ZFYVE27: variants seen among roughly 807,000 people sequenced by gnomAD.
ZFYVE27 encodes zinc finger FYVE-type containing 27.
ZFYVE27 carries 36 observed loss-of-function variants against 52.8 expected under a neutral mutation model. That is an observed-to-expected ratio of 0.68 (90% CI 0.52 to 0.90). ZFYVE27 has a LOEUF of 0.90. ZFYVE27 is among the 40% of genes least tolerant of loss of function. The pLI is 0.00. For synonymous variants in ZFYVE27, 223 were observed against 215.6 expected (o/e 1.03, Z -0.30); for missense variants, 450 against 527.2 (o/e 0.85, Z 1.43).
At chr10:97,745,170 T>TGTTC (rs1554889636) in intron 4 of ZFYVE27, among the ~76,000 whole-genome samples, 13 of 78,584 alleles carry the variant, frequency 1.7e-4, no homozygotes, top group African/African-American at 8.2e-4. Flanking sequence ...TCACAGCTTC[T>TGTTC]GTTCTTTCTT....
rs568461529 is a variant in ZFYVE27 at position 97,751,770 on chromosome 10, G to A, written c.876+308G>A. Among the ~76,000 whole-genome samples, 3 of 152,262 alleles carry A rather than the reference G, an allele frequency of 2.0e-5. No homozygotes were observed. In the South Asian group the frequency reaches 6.2e-4, roughly 32 times the overall value. On this transcript the variant is annotated intron_variant, in intron 8 of 12. Transcript: ENST00000684270. Reference sequence around the variant, plus strand: ...TGGTGCCTTTGATATAGGAAAGGCAGCTTTTGAGGAGGCTACTGCCCTGGG... The same window carrying A: ...TGGTGCCTTTGATATAGGAAAGGCAACTTTTGAGGAGGCTACTGCCCTGGG...
intron 1 of ZFYVE27, among the ~76,000 whole-genome samples, chr10:97,738,013 A>G (rs928949175): frequency 6.6e-6 from 1 of 152,236 alleles, no homozygotes; most frequent in Non-Finnish European, 1.5e-5. Context: ...TCTGCACTTG[A>G]TCTTAGCCAC....
intron 10 of ZFYVE27, among the ~76,000 whole-genome samples, chr10:97,755,690 T>C (rs2048173914): frequency 6.6e-6 from 1 of 152,030 alleles, no homozygotes; most frequent in Non-Finnish European, 1.5e-5. Context: ...TGCCAGTGGA[T>C]GAGGGGGTGC....
chr10:97,745,958 G>A (rs73324642), intron 4 of ZFYVE27, among the ~76,000 whole-genome samples: 1,817 of 151,716 alleles, frequency 0.012, 41 homozygotes, highest in African/African-American at 0.04. Context: ...GTTATCTGGA[G>A]TGGGGCCTGG....
Position 97,759,651 on chromosome 10 carries a change from C to G in ZFYVE27, c.*351C>G. 1 of 393,820 alleles carries G rather than the reference C, an allele frequency of 2.5e-6. No homozygotes were observed. The highest frequency in any genetic ancestry group is 5.5e-5 in the East Asian group (1 of 18,028). The allele number at this position is 393,820 out of a possible 1,614,324, so 24.4% of individuals were successfully genotyped here. On this transcript the variant is annotated 3_prime_UTR_variant, in exon 13 of 13. Transcript: ENST00000684270. ...CCAGGCCTGACTGGGGTCTGAAGAT[C>G]AGGGTCAGTGTGGCTGTGCCTGGGA... is the stretch of plus-strand genomic sequence containing the variant.
intron 4 of ZFYVE27, 83 bp downstream of exon 4, chr10:97,744,998 T>C: frequency 6.8e-7 from 1 of 1,465,578 alleles, no homozygotes. Flanking sequence ...GTGCTCGACA[T>C]CATATTAGGC....
rs191218175 is a variant in ZFYVE27 at position 97,738,454 on chromosome 10, G to T, written c.-1-23G>T. 1.5e-4 allele frequency: 241 copies of T among 1,613,076 alleles called. No homozygotes were observed. In the African/African-American group the frequency reaches 2.8e-3, roughly 19 times the overall value. ...TGAGGACTAGACGTGCAATGCAAAT[G>T]TTGGGAATTATTATGGTTACAGGAT... On this transcript the variant is annotated intron_variant, in intron 1 of 12. Transcript: ENST00000684270.
At position 97,743,184 on chromosome 10, in the gene ZFYVE27, G is replaced by A. The variant is rs1163065489; in HGVS notation, c.268+20G>A. On this transcript the variant is annotated intron_variant, in intron 3 of 12. Transcript: ENST00000684270. ...ATGAGGGTAAGAACTGCCTTCAGGG[G>A]CCAGTGGTTTTTGTGAACGAATGTG... 1.9e-6 allele frequency: 3 copies of A among 1,614,000 alleles called. No individual in the cohort carries two copies. The highest frequency in any genetic ancestry group is 2.7e-5 in the African/African-American group (2 of 74,910).
intron 8 of ZFYVE27, among the ~76,000 whole-genome samples, chr10:97,752,593 T>C (rs906591735): frequency 6.6e-6 from 1 of 152,178 alleles, no homozygotes; most frequent in Non-Finnish European, 1.5e-5. Flanking sequence ...TTTTCTTTCC[T>C]TTTCTGTTCT....
At position 97,751,526 on chromosome 10, in the gene ZFYVE27, T is replaced by C. The variant is rs2046996506; in HGVS notation, c.876+64T>C. The C allele has an allele frequency of 3.9e-6, 6 of 1,552,718 alleles. No individual in the cohort carries two copies. The South Asian group carries it at 6.7e-5, about 17-fold the overall frequency. Reference sequence around the variant, plus strand: ...CAGAAATTGGGTGGTCCTGGAGCTGTTTTTTGTTTTTGTTTTTTAATGTCC... The same window carrying C: ...CAGAAATTGGGTGGTCCTGGAGCTGCTTTTTGTTTTTGTTTTTTAATGTCC... On this transcript the variant is annotated intron_variant, in intron 8 of 12. Transcript: ENST00000684270.
At chr10:97,757,847 C>A in intron 12 of ZFYVE27, 124 bp downstream of exon 12, 1 of 907,548 alleles carries the variant, frequency 1.1e-6, no homozygotes, top group Non-Finnish European at 1.8e-6. Context: ...CCTACGGGAA[C>A]GTTTCCTCCA....
Position 97,757,271 on chromosome 10 carries a change from G to C in ZFYVE27, c.1049G>C (p.Cys350Ser). 6.2e-7 allele frequency: 1 copy of C among 1,614,168 alleles called. No individual in the cohort carries two copies. Among genetic ancestry groups the C allele is most frequent in the Non-Finnish European group, 8.5e-7 (1 of 1,180,030 alleles). ...KRYPTNNFGN[C>S]TGCSATFSVL... Reference sequence around the variant, plus strand: ...TGCTGCCTCTGTTTCTCAGGGAACTGCACGGGCTGCTCGGCCACCTTCTCA... The same window carrying C: ...TGCTGCCTCTGTTTCTCAGGGAACTCCACGGGCTGCTCGGCCACCTTCTCA... The change falls in exon 11 of 13, where the codon TGC (cysteine) becomes TCC (serine). Residue 350 changes from cysteine to serine, a missense_variant. Coordinates refer to ENST00000684270, the MANE Select transcript of ZFYVE27 (RefSeq NM_001385875.1).
rs1044205568 is a variant in ZFYVE27 at position 97,759,654 on chromosome 10, G to A, written c.*354G>A. 15 of 389,398 alleles carry A rather than the reference G, an allele frequency of 3.9e-5. No homozygotes were observed. Among genetic ancestry groups the A allele is most frequent in the African/African-American group, 2.9e-4 (14 of 48,818 alleles). The allele number at this position is 389,398 out of a possible 1,614,324, so 24.1% of individuals were successfully genotyped here. A position where few individuals can be genotyped will look rare whatever the true frequency, so the allele number is the denominator to read the frequency against. On this transcript the variant is annotated 3_prime_UTR_variant, in exon 13 of 13. Coordinates refer to ENST00000684270, the MANE Select transcript of ZFYVE27 (RefSeq NM_001385875.1). Reference sequence around the variant, plus strand: ...GGCCTGACTGGGGTCTGAAGATCAGGGTCAGTGTGGCTGTGCCTGGGAATT... The same window carrying A: ...GGCCTGACTGGGGTCTGAAGATCAGAGTCAGTGTGGCTGTGCCTGGGAATT...
intron 7 of ZFYVE27, among the ~76,000 whole-genome samples, chr10:97,750,898 G>A (rs750076650): frequency 2.6e-5 from 4 of 151,856 alleles, no homozygotes; most frequent in Non-Finnish European, 5.9e-5. Context: ...GTGCCACCAC[G>A]CCCAGCTAAT....
At chr10:97,750,074 G>A in intron 6 of ZFYVE27, 1 of 519,196 alleles carries the variant, frequency 1.9e-6, no homozygotes. Flanking sequence ...CCTCCCTGTG[G>A]TAGAGTTATT....
intron 10 of ZFYVE27, among the ~76,000 whole-genome samples, chr10:97,756,723 CT>C (rs1303342285): frequency 6.6e-6 from 1 of 152,224 alleles, no homozygotes; most frequent in African/African-American, 2.4e-5. Flanking sequence ...GCATTCTACC[CT>C]TCGTGTCTTT....
intron 2 of ZFYVE27, among the ~76,000 whole-genome samples, chr10:97,741,700 C>T (rs1189126527): frequency 2.0e-5 from 3 of 151,978 alleles, no homozygotes; most frequent in Admixed American, 6.6e-5. Flanking sequence ...CACCATGGCA[C>T]GTGTATACCT....
In ZFYVE27 at chr10:97,759,541, A is replaced by ATG; in HGVS notation, c.*243_*244dup. ...GAGAAGAGCCCCTGGAGGGCCTGGC[A>ATG]TGTTTGTCCTGCTCTGCCTGGGACT... On this transcript the variant is annotated 3_prime_UTR_variant, in exon 13 of 13. Coordinates refer to ENST00000684270, the MANE Select transcript of ZFYVE27 (RefSeq NM_001385875.1). The ATG allele has an allele frequency of 1.7e-6, 1 of 600,392 alleles. No homozygotes were observed. The highest frequency in any genetic ancestry group is 3.0e-6 in the Non-Finnish European group (1 of 330,660). The allele number at this position is 600,392 out of a possible 1,614,324, so 37.2% of individuals were successfully genotyped here. A position where few individuals can be genotyped will look rare whatever the true frequency, so the allele number is the denominator to read the frequency against.
chr10:97,738,959 G>A (rs968158229), intron 2 of ZFYVE27: 27 of 427,994 alleles, frequency 6.3e-5, no homozygotes, highest in East Asian at 4.1e-4. Context: ...TGAACATCAC[G>A]CCTTCTACAG....
Sources: allele counts gnomAD v4.1 joint callset (sites outside exome capture counted in the v4.1 genomes callset), GRCh38; gene constraint gnomAD v4.1.1; transcripts MANE v1.5; gene names NCBI Gene and HGNC (gene_info 2026-07-23, HGNC 2026-07-21).